The following EBAG9 variants were observed in gnomAD, a reference collection of about 807,000 sequenced individuals.
The protein encoded by EBAG9 is receptor-binding cancer antigen expressed on SiSo cells.
Under a neutral mutation model 30.9 loss-of-function variants are expected in EBAG9, and 16 were observed. The ratio of observed to expected loss-of-function variants is 0.52; its 90% CI spans 0.35 to 0.79. EBAG9 has a LOEUF of 0.79. Among genes scored for constraint, EBAG9 ranks in the 30% least tolerant of loss-of-function variants. The pLI is 0.01. For synonymous variants in EBAG9, 93 were observed against 82.8 expected (o/e 1.12, Z -0.67); for missense variants, 197 against 242.1 (o/e 0.81, Z 1.24).
intron 6 of EBAG9, 145 bp from the exon 7 acceptor site, chr8:109,564,294 G>T: frequency 9.7e-7 from 1 of 1,034,498 alleles, no homozygotes; most frequent in Non-Finnish European, 1.4e-6. Flanking sequence ...GAAAATATTT[G>T]GAATTTTCAA....
At chr8:109,548,346 C>T (rs989298632) in intron 1 of EBAG9, among the ~76,000 whole-genome samples, 1 of 151,800 alleles carries the variant, frequency 6.6e-6, no homozygotes, top group Non-Finnish European at 1.5e-5. Flanking sequence ...TTGATCTATT[C>T]GTGTATTTTG....
At chr8:109,555,986 C>T (rs1345297553) in intron 4 of EBAG9, among the ~76,000 whole-genome samples, 1 of 152,020 alleles carries the variant, frequency 6.6e-6, no homozygotes, top group African/African-American at 2.4e-5. Flanking sequence ...GGTTATATTG[C>T]CATTTCTTGT....
chr8:109,555,511 C>T (rs1029275134), intron 4 of EBAG9, among the ~76,000 whole-genome samples: 6 of 152,112 alleles, frequency 3.9e-5, no homozygotes, highest in Non-Finnish European at 7.4e-5. Context: ...ATATATGTAT[C>T]GAAATCCTAC....
Position 109,565,366 on chromosome 8 carries a change from T to C in EBAG9, c.*807T>C, listed in dbSNP as rs895380450. 3 of 152,048 alleles carry C rather than the reference T, an allele frequency of 2.0e-5. No individual in the cohort carries two copies. The highest frequency in any genetic ancestry group is 4.4e-5 in the Non-Finnish European group (3 of 67,940). The allele number at this position is 152,048 out of a possible 1,614,324, so 9.4% of individuals were successfully genotyped here. ...ATCTTTGAGTGCCTTAGTTCTTCCTTCCTCCCAAAAGCCATTAATTTACAA... is the reference window on the plus strand; with the variant it reads ...ATCTTTGAGTGCCTTAGTTCTTCCTCCCTCCCAAAAGCCATTAATTTACAA... On this transcript the variant is annotated 3_prime_UTR_variant, in exon 7 of 7. Transcript: ENST00000337573.
intron 1 of EBAG9, among the ~76,000 whole-genome samples, chr8:109,547,484 C>CTTT (rs781114077): frequency 7.1e-6 from 1 of 140,570 alleles, no homozygotes; most frequent in Non-Finnish European, 1.6e-5. Context: ...TGTATATGTT[C>CTTT]TTTTTTTTTT....
chr8:109,545,000 GA>G (rs1821354281), intron 1 of EBAG9, among the ~76,000 whole-genome samples: 1 of 151,994 alleles, frequency 6.6e-6, no homozygotes. Flanking sequence ...AGATGTATAA[GA>G]AAAATTTGGA....
chr8:109,561,716 A>T (rs1821714187), intron 6 of EBAG9, among the ~76,000 whole-genome samples: 1 of 152,056 alleles, frequency 6.6e-6, no homozygotes, highest in African/African-American at 2.4e-5. Flanking sequence ...TAGGAATAGC[A>T]GACAAATTAT....
Position 109,544,667 on chromosome 8 carries a change from TGTAA to T in EBAG9, c.-16+4209_-16+4212del, listed in dbSNP as rs1157819145. On this transcript the variant is annotated intron_variant, in intron 1 of 6. Coordinates refer to ENST00000337573, the MANE Select transcript of EBAG9 (RefSeq NM_004215.5). ...ATTCCATTATCAGTAATGTTATTCC[TGTAA>T]GTGTGTGCACATATGCACACACATA... Among the ~76,000 whole-genome samples, 5 of 152,354 alleles carry T rather than the reference TGTAA, an allele frequency of 3.3e-5. No individual in the cohort carries two copies. In the East Asian group the frequency reaches 9.6e-4, roughly 29 times the overall value.
rs1278486882 is a variant in EBAG9 at position 109,562,863 on chromosome 8, G to A, written c.522-1576G>A. Among the ~76,000 whole-genome samples, 6 of 152,014 alleles carry A rather than the reference G, an allele frequency of 3.9e-5. No individual in the cohort carries two copies. The East Asian group carries it at 1.2e-3, about 29-fold the overall frequency. On this transcript the variant is annotated intron_variant, in intron 6 of 6. Transcript: ENST00000337573. ...GAGAATTTCCTTTGAGCATCAGGTAGGCCCTCAGAAAGTTTCAGATTTTGG... is the reference window on the plus strand; with the variant it reads ...GAGAATTTCCTTTGAGCATCAGGTAAGCCCTCAGAAAGTTTCAGATTTTGG...
chr8:109,540,579 C>T (rs539619697), intron 1 of EBAG9, 118 bp downstream of exon 1: 1 of 152,342 alleles, frequency 6.6e-6, no homozygotes, highest in East Asian at 1.9e-4. Context: ...TTCGGAACCG[C>T]CCCAGTGGTG....
chr8:109,560,053 T>C (rs987436457), intron 5 of EBAG9, among the ~76,000 whole-genome samples: 64 of 152,208 alleles, frequency 4.2e-4, no homozygotes, highest in Non-Finnish European at 1.5e-4. Flanking sequence ...GGGGTAAGTA[T>C]TTAAAACAAT....
chr8:109,560,600 A>T (rs571270659), intron 5 of EBAG9, among the ~76,000 whole-genome samples: 2 of 152,318 alleles, frequency 1.3e-5, no homozygotes, highest in East Asian at 3.9e-4. Context: ...GTATCCCATG[A>T]AACATAAAGA....
chr8:109,550,411 A>G (rs1821469289), intron 1 of EBAG9: 1 of 154,448 alleles, frequency 6.5e-6, no homozygotes, highest in Non-Finnish European at 1.4e-5. Flanking sequence ...ATATAAGGAA[A>G]TATATTCATC....
chr8:109,544,581 T>A (rs1821345984), intron 1 of EBAG9, among the ~76,000 whole-genome samples: 1 of 152,228 alleles, frequency 6.6e-6, no homozygotes, highest in African/African-American at 2.4e-5. Context: ...ATCATGATTC[T>A]GAATACATAG....
intron 1 of EBAG9, among the ~76,000 whole-genome samples, chr8:109,541,421 A>G (rs1821273765): frequency 6.6e-6 from 1 of 152,166 alleles, no homozygotes; most frequent in African/African-American, 2.4e-5. Flanking sequence ...AATCCTGGGT[A>G]AGTGAATCTA....
chr8:109,541,928 G>A (rs1821285036), intron 1 of EBAG9, among the ~76,000 whole-genome samples: 1 of 152,198 alleles, frequency 6.6e-6, no homozygotes, highest in Non-Finnish European at 1.5e-5. Context: ...TAGTGCAACT[G>A]GTTGGAAAAT....
At chr8:109,539,798 T>G (rs1296191346), upstream of EBAG9, 4 of 151,594 alleles carry the variant, frequency 2.6e-5, no homozygotes, top group Admixed American at 1.3e-4. Context: ...GGGCTGGGAG[T>G]GAGCGGGCGG....
At chr8:109,563,593 T>A (rs1563658745) in intron 6 of EBAG9, 21 of 1,350,176 alleles carry the variant, frequency 1.6e-5, no homozygotes, top group Admixed American at 6.6e-5. Context: ...TTTTTTTTTT[T>A]AAACTTAAGT....
chr8:109,556,967 T>C lies in EBAG9; in HGVS notation c.354T>C (p.Phe118=), dbSNP rs945618853. 6 of 1,600,640 alleles carry C rather than the reference T, an allele frequency of 3.7e-6. No individual in the cohort carries two copies. Among genetic ancestry groups the C allele is most frequent in the African/African-American group, 1.3e-5 (1 of 74,586 alleles). ...IVIKKREPLN[F]GIPDGSTGFS... is the part of the protein sequence containing the mutation. ...TTAAGAAGAGAGAACCATTGAATTTTGGCATCCCAGATGGGAGCACAGGTT... is the reference window on the plus strand; with the variant it reads ...TTAAGAAGAGAGAACCATTGAATTTCGGCATCCCAGATGGGAGCACAGGTT... Residue 118 remains phenylalanine, a synonymous_variant, in exon 5 of 7, where the codon TTT becomes TTC. Coordinates refer to ENST00000337573, the MANE Select transcript of EBAG9 (RefSeq NM_004215.5).
Sources: gnomAD v4.1 joint callset for allele counts (sites outside exome capture counted in the v4.1 genomes callset) on GRCh38, gnomAD v4.1.1 for gene constraint, MANE v1.5 for transcripts, NCBI Gene and HGNC (gene_info 2026-07-23, HGNC 2026-07-21) for gene names.